APBB1IP: variants seen among roughly 807,000 people sequenced by gnomAD.
The protein encoded by APBB1IP is amyloid beta precursor protein binding family B member 1 interacting protein.
APBB1IP carries 27 observed loss-of-function variants against 64.9 expected under a neutral mutation model. The ratio of observed to expected loss-of-function variants is 0.42; its 90% confidence interval spans 0.31 to 0.57. The LOEUF (loss-of-function observed/expected upper bound fraction) is 0.57, where lower values mean the gene tolerates loss of function less well. Ranked by LOEUF, APBB1IP falls within the 20% of genes least tolerant of loss-of-function variation. The pLI is 0.20. For missense variants in APBB1IP, 812 were observed against 845.5 expected (o/e 0.96, Z 0.49); for synonymous variants, 392 against 331.0 (o/e 1.18, Z -2.00).
At chr10:26,563,558 C>T (rs1052358418) in intron 14 of APBB1IP, among the ~76,000 whole-genome samples, 4 of 152,106 alleles carry the variant, frequency 2.6e-5, no homozygotes, top group African/African-American at 7.2e-5. Flanking sequence ...AAAATCATAA[C>T]TAATAATTAT....
At chr10:26,497,166 G>A (rs1471687361) in intron 4 of APBB1IP, among the ~76,000 whole-genome samples, 3 of 152,050 alleles carry the variant, frequency 2.0e-5, no homozygotes, top group African/African-American at 7.2e-5. Context: ...AACAGAGTGA[G>A]ATTCTATCTC....
At chr10:26,520,578 G>C (rs1836390941) in intron 8 of APBB1IP, among the ~76,000 whole-genome samples, 1 of 152,206 alleles carries the variant, frequency 6.6e-6, no homozygotes, top group Admixed American at 6.5e-5. Flanking sequence ...GGGAGGCTTT[G>C]AGCTCCATTT....
At chr10:26,541,518 A>T in intron 10 of APBB1IP, 64 bp from the exon 11 acceptor site, 1 of 1,056,846 alleles carries the variant, frequency 9.5e-7, no homozygotes, top group Non-Finnish European at 1.4e-6. Context: ...GCTATGAAGG[A>T]CAACTCTGGA....
chr10:26,470,285 C>T (rs748679592), intron 2 of APBB1IP, among the ~76,000 whole-genome samples: 54 of 152,200 alleles, frequency 3.5e-4, no homozygotes, highest in Admixed American at 1.3e-4. Context: ...GCCTGTAATC[C>T]CAGCACTTTG....
chr10:26,470,612 A>G (rs1346328786), intron 2 of APBB1IP, among the ~76,000 whole-genome samples: 1 of 152,220 alleles, frequency 6.6e-6, no homozygotes, highest in Non-Finnish European at 1.5e-5. Flanking sequence ...TTCTGAATAC[A>G]TTTAAGTTAG....
chr10:26,511,604 A>G, intron 6 of APBB1IP, 143 bp from the exon 7 acceptor site: 1 of 911,570 alleles, frequency 1.1e-6, no homozygotes, highest in Middle Eastern at 3.5e-4. Flanking sequence ...AGTGCTTGGC[A>G]TGCAAGTTAG....
At chr10:26,475,124 CTTTTTTT>C (rs757288624) in intron 2 of APBB1IP, among the ~76,000 whole-genome samples, 1 of 138,170 alleles carries the variant, frequency 7.2e-6, no homozygotes, top group Non-Finnish European at 1.6e-5. Context: ...TTTTTCTTTT[CTTTTTTT>C]TTTTTTTTTG....
chr10:26,550,927 A>G (rs7895809), intron 11 of APBB1IP, among the ~76,000 whole-genome samples: 13,529 of 152,250 alleles, frequency 0.089, 890 homozygotes, highest in East Asian at 0.21. Context: ...TCATTTCAGC[A>G]CTAGAGGGCC....
At chr10:26,532,775 C>T (rs1199330598) in intron 8 of APBB1IP, among the ~76,000 whole-genome samples, 1 of 152,152 alleles carries the variant, frequency 6.6e-6, no homozygotes, top group Non-Finnish European at 1.5e-5. Flanking sequence ...TGGGCATGAG[C>T]CACACCCAGA....
intron 11 of APBB1IP, among the ~76,000 whole-genome samples, chr10:26,542,166 C>T (rs1836705225): frequency 1.3e-5 from 2 of 152,172 alleles, no homozygotes; most frequent in South Asian, 2.1e-4. Context: ...ATATGGTTTA[C>T]ATTTTTTTGA....
intron 8 of APBB1IP, among the ~76,000 whole-genome samples, chr10:26,527,759 C>T (rs1034437318): frequency 7.5e-6 from 1 of 133,720 alleles, no homozygotes; most frequent in East Asian, 2.3e-4. Flanking sequence ...ATGGCACGAT[C>T]TCGGCTCACT....
At chr10:26,534,536 A>G (rs76542885) in intron 9 of APBB1IP, among the ~76,000 whole-genome samples, 2,636 of 152,218 alleles carry the variant, frequency 0.017, 59 homozygotes, top group African/African-American at 0.059. Context: ...CCTGGAGCCA[A>G]TTGGCTCATG....
chr10:26,555,111 C>T (rs912335647), intron 11 of APBB1IP, among the ~76,000 whole-genome samples: 9 of 152,136 alleles, frequency 5.9e-5, no homozygotes, highest in African/African-American at 1.7e-4. Flanking sequence ...CCCCATTTCT[C>T]GTTAATCTAT....
At chr10:26,535,776 T>C (rs1836614786) in intron 9 of APBB1IP, among the ~76,000 whole-genome samples, 1 of 152,190 alleles carries the variant, frequency 6.6e-6, no homozygotes, top group Non-Finnish European at 1.5e-5. Flanking sequence ...CCTTATGAAG[T>C]TGGGCTATTA....
chr10:26,476,400 T>G (rs1457389274), intron 2 of APBB1IP, among the ~76,000 whole-genome samples: 5 of 129,086 alleles, frequency 3.9e-5, no homozygotes, highest in African/African-American at 1.5e-4. Flanking sequence ...TGAGCTCTGA[T>G]TGCACCACTG....
chr10:26,523,965 A>T (rs972803350), intron 8 of APBB1IP, among the ~76,000 whole-genome samples: 7 of 152,072 alleles, frequency 4.6e-5, no homozygotes, highest in African/African-American at 1.4e-4. Flanking sequence ...ATCATTTCTC[A>T]TCTTCAACAG....
At chr10:26,518,184 C>T (rs976803669) in intron 8 of APBB1IP, among the ~76,000 whole-genome samples, 2 of 149,850 alleles carry the variant, frequency 1.3e-5, no homozygotes, top group Non-Finnish European at 3.0e-5. Flanking sequence ...TGAGCTCCAC[C>T]TCATGTGATC....
In APBB1IP at chr10:26,538,986, A is replaced by G. The variant is rs117419629; in HGVS notation, c.1045-2596A>G. Among the ~76,000 whole-genome samples the G allele has an allele frequency of 8.3e-3, 1,261 of 152,374 alleles. 13 individuals carry two copies. Among genetic ancestry groups the G allele is most frequent in the Non-Finnish European group, 0.013 (856 of 68,036 alleles). ...CACAGCAGTGGGGAAAGAATGTGGT[A>G]TTCAACAAATAGAACTGAAATAACT... On this transcript the variant is annotated intron_variant, in intron 10 of 14. Transcript: ENST00000376236.
rs1311698607 is a variant in APBB1IP, at chr10:26,469,262, T to TC, written c.1-23065_1-23064insC. 7.8e-5 allele frequency among the ~76,000 whole-genome samples: 11 copies of TC among 141,216 alleles called. No homozygotes were observed. The East Asian group carries it at 2.0e-3, about 25-fold the overall frequency. 92.6% of individuals were successfully genotyped at this position (141,216 alleles called of 152,430 possible). A position where few individuals can be genotyped will look rare whatever the true frequency, so the allele number is the denominator to read the frequency against. ...TTTCTTTCCTTCTTTTCTTTTCTTT[T>TC]TTTTTTTTTTTTTTTGAGACAGAGT... On this transcript the variant is annotated intron_variant, in intron 2 of 14. Transcript: ENST00000376236.
Sources: allele counts gnomAD v4.1 joint callset (sites outside exome capture counted in the v4.1 genomes callset), GRCh38; gene constraint gnomAD v4.1.1; transcripts MANE v1.5; gene names NCBI Gene and HGNC (gene_info 2026-07-23, HGNC 2026-07-21).